The following LRIF1 variants were observed in gnomAD, a reference collection of about 807,000 sequenced individuals.
LRIF1 encodes the protein ligand-dependent nuclear receptor-interacting factor 1.
A neutral mutation model predicts 52.7 loss-of-function variants in LRIF1; 32 were observed. That is an observed-to-expected ratio of 0.61 (90% CI 0.46 to 0.82). The LOEUF (loss-of-function observed/expected upper bound fraction) is 0.82. Among genes scored for constraint, LRIF1 ranks in the 40% least tolerant of loss-of-function variants. The pLI is 0.00. For synonymous variants in LRIF1, 323 were observed against 317.4 expected (o/e 1.02, Z -0.19); for missense variants, 887 against 892.0 (o/e 0.99, Z 0.07).
chr1:110,960,532 T>A (rs1011811445), intron 1 of LRIF1, among the ~76,000 whole-genome samples: 1 of 152,224 alleles, frequency 6.6e-6, no homozygotes, highest in African/African-American at 2.4e-5. Context: ...TAATTCTTAT[T>A]ATTGTAGGAT....
chr1:110,923,992 T>A, the LRIF1 span, among the ~76,000 whole-genome samples: 1 of 152,106 alleles, frequency 6.6e-6, no homozygotes. Context: ...TCTGGTAAGA[T>A]TGTTGTAGAT....
the LRIF1 span, among the ~76,000 whole-genome samples, chr1:110,912,641 C>CA: frequency 6.6e-6 from 1 of 152,154 alleles, no homozygotes; most frequent in African/African-American, 2.4e-5. Flanking sequence ...AAGATTTCTA[C>CA]AAAAAGAATT....
At chr1:110,919,002 T>A in the LRIF1 span, among the ~76,000 whole-genome samples, 1 of 152,212 alleles carries the variant, frequency 6.6e-6, no homozygotes, top group Non-Finnish European at 1.5e-5. Flanking sequence ...GAGTTAGACA[T>A]AGCTTAGGTC....
the LRIF1 span, among the ~76,000 whole-genome samples, chr1:110,908,360 C>T: frequency 8.5e-5 from 13 of 152,144 alleles, no homozygotes; most frequent in Non-Finnish European, 1.8e-4. Flanking sequence ...TGTCTTCATA[C>T]CTCCAAATGA....
downstream of LRIF1, chr1:110,943,622 G>A (rs1000044035): frequency 6.6e-6 from 1 of 151,790 alleles, no homozygotes; most frequent in African/African-American, 2.4e-5. Context: ...TTAAAAAAGA[G>A]GCCACAATTT....
chr1:110,890,341 C>T, the LRIF1 span, among the ~76,000 whole-genome samples: 434 of 152,220 alleles, frequency 2.9e-3, 2 homozygotes, highest in African/African-American at 0.01. Flanking sequence ...CCGAGGCAGG[C>T]GGATCACCTG....
At chr1:110,876,018 A>G in the LRIF1 span, among the ~76,000 whole-genome samples, 1 of 152,212 alleles carries the variant, frequency 6.6e-6, no homozygotes, top group African/African-American at 2.4e-5. Flanking sequence ...TTATTGTAAA[A>G]GAAAATATGA....
chr1:110,906,651 T>C, the LRIF1 span, among the ~76,000 whole-genome samples: 1 of 152,286 alleles, frequency 6.6e-6, no homozygotes, highest in African/African-American at 2.4e-5. Flanking sequence ...TGATTGGAAT[T>C]CTAAAGAAGA....
chr1:110,899,399 C>T, the LRIF1 span: 11 of 495,354 alleles, frequency 2.2e-5, no homozygotes, highest in Admixed American at 2.6e-4. Context: ...CACTCACTGA[C>T]GGCAGCAGCC....
the LRIF1 span, among the ~76,000 whole-genome samples, chr1:110,886,302 CT>C: frequency 6.6e-6 from 1 of 151,902 alleles, no homozygotes; most frequent in African/African-American, 2.4e-5. Context: ...ATCACTGTTC[CT>C]TGAGTACTTT....
At chr1:110,953,780 C>T (rs1408122301) in intron 1 of LRIF1, among the ~76,000 whole-genome samples, 1 of 152,172 alleles carries the variant, frequency 6.6e-6, no homozygotes, top group Non-Finnish European at 1.5e-5. Flanking sequence ...CCTAGGTACG[C>T]CTCACCCAAC....
chr1:110,889,310 A>T, the LRIF1 span, among the ~76,000 whole-genome samples: 1 of 151,998 alleles, frequency 6.6e-6, no homozygotes, highest in Non-Finnish European at 1.5e-5. Context: ...TAATCCCAAC[A>T]CTTTGGGAGG....
chr1:110,951,965 C>A lies in LRIF1; in HGVS notation c.919G>T (p.Val307Phe). 6.2e-7 allele frequency: 1 copy of A among 1,614,070 alleles called. No individual in the cohort carries two copies. The highest frequency in any genetic ancestry group is 1.1e-5 in the South Asian group (1 of 91,066). ...LQPFTPSLVP[V>F]KSSNNVASKI... ...GAAGCCACATTATTTGAAGACTTAACAGGAACAAGAGATGGCGTAAAAGGC... is the reference window on the plus strand; with the variant it reads ...GAAGCCACATTATTTGAAGACTTAAAAGGAACAAGAGATGGCGTAAAAGGC... Residue 307 changes from valine (V) to phenylalanine (F), a missense_variant, in exon 2 of 4, where the codon GTT (valine) becomes TTT (phenylalanine). Coordinates refer to ENST00000369763, the MANE Select transcript of LRIF1 (RefSeq NM_018372.4).
At chr1:110,891,415 A>G in the LRIF1 span, 1 of 1,613,268 alleles carries the variant, frequency 6.2e-7, no homozygotes, top group Non-Finnish European at 8.5e-7. Flanking sequence ...CGGCATGGGC[A>G]TGAGTAGCTT....
the LRIF1 span, among the ~76,000 whole-genome samples, chr1:110,932,124 AT>A: frequency 6.6e-6 from 1 of 152,226 alleles, no homozygotes; most frequent in Non-Finnish European, 1.5e-5. Flanking sequence ...TAGGTCTTAC[AT>A]TTAAGTCTTC....
rs796442088 is a variant in LRIF1 at position 110,959,606 on chromosome 1, C to T, written c.68+4015G>A. On this transcript the variant is annotated intron_variant, in intron 1 of 3. Transcript: ENST00000369763. ...CTCTACTAAAAATACAAAAATTAGC[C>T]GGGCGTGGTGGCACACGCCTGTAGT... Among the ~76,000 whole-genome samples, 205 of 151,606 alleles carry T rather than the reference C, an allele frequency of 1.4e-3. 1 individual carries two copies. Among genetic ancestry groups the T allele is most frequent in the Middle Eastern group, 6.9e-3 (2 of 290 alleles).
chr1:110,911,960 A>G, the LRIF1 span, among the ~76,000 whole-genome samples: 8,469 of 152,174 alleles, frequency 0.056, 286 homozygotes, highest in East Asian at 0.14. Flanking sequence ...AAGGATGCCC[A>G]CTCTTACCAC....
the LRIF1 span, chr1:110,899,058 C>A: frequency 1.6e-6 from 2 of 1,227,594 alleles, no homozygotes; most frequent in Non-Finnish European, 2.4e-6. Context: ...AGAGGCCAAT[C>A]CCAGGCATTG....
At chr1:110,900,298 C>T in the LRIF1 span, among the ~76,000 whole-genome samples, 1 of 152,260 alleles carries the variant, frequency 6.6e-6, no homozygotes, top group South Asian at 2.1e-4. Flanking sequence ...AGCTGGCTTC[C>T]CCCCATTTAA....
Sources: allele counts gnomAD v4.1 joint callset (sites outside exome capture counted in the v4.1 genomes callset), GRCh38; gene constraint gnomAD v4.1.1; transcripts MANE v1.5; gene names NCBI Gene and HGNC (gene_info 2026-07-23, HGNC 2026-07-21).